EPHA6: variants seen among roughly 807,000 people sequenced by gnomAD.
The protein encoded by EPHA6 is ephrin type-A receptor 6.
EPHA6 carries 50 observed loss-of-function variants against 112.0 expected under a neutral mutation model. The observed-to-expected ratio is 0.45, with a 90% CI of 0.36 to 0.56. EPHA6 has a LOEUF of 0.56. Among genes scored for constraint, EPHA6 ranks in the 20% least tolerant of loss-of-function variants. EPHA6 has a pLI of 0.00. For missense variants in EPHA6, 1,280 were observed against 1,417.4 expected, an observed-to-expected ratio of 0.90 and a Z score of 1.56; for synonymous variants, 529 against 490.7, an observed-to-expected ratio of 1.08 and a Z score of -1.03.
At chr3:97,314,212 T>C (rs1389293923) in intron 5 of EPHA6, among the ~76,000 whole-genome samples, 1 of 151,660 alleles carries the variant, frequency 6.6e-6, no homozygotes, top group Non-Finnish European at 1.5e-5. Context: ...TTCTGGGCTT[T>C]CTATTCTTTC....
chr3:96,872,798 T>G (rs747863583), intron 2 of EPHA6, among the ~76,000 whole-genome samples: 1 of 152,080 alleles, frequency 6.6e-6, no homozygotes, highest in Non-Finnish European at 1.5e-5. Flanking sequence ...TGTGAAAATA[T>G]TTTTTGAAGT....
At chr3:97,283,603 CA>C (rs1559850876) in intron 5 of EPHA6, among the ~76,000 whole-genome samples, 1 of 151,860 alleles carries the variant, frequency 6.6e-6, no homozygotes, top group African/African-American at 2.4e-5. Flanking sequence ...CGGAGCCTTT[CA>C]GGGGGGTGAG....
At chr3:97,103,699 T>G (rs907082146) in intron 3 of EPHA6, among the ~76,000 whole-genome samples, 1 of 152,136 alleles carries the variant, frequency 6.6e-6, no homozygotes, top group African/African-American at 2.4e-5. Flanking sequence ...CATTGGGAGT[T>G]TGATAGGAAT....
chr3:97,624,300 T>C lies in EPHA6; in HGVS notation c.2574+13446T>C, dbSNP rs561667006. Among the ~76,000 whole-genome samples, 3 of 151,828 alleles carry C rather than the reference T, an allele frequency of 2.0e-5. No homozygotes were observed. The South Asian group carries it at 6.2e-4, about 32-fold the overall frequency. On this transcript the variant is annotated intron_variant, in intron 13 of 17. Transcript: ENST00000389672. ...TCTTCTTCACCAATTTAGATCATTG[T>C]GGAGATCTTCCCCCTTCATTCAGTT...
chr3:97,292,201 C>T (rs751938362), intron 5 of EPHA6, among the ~76,000 whole-genome samples: 1 of 152,234 alleles, frequency 6.6e-6, no homozygotes, highest in African/African-American at 2.4e-5. Context: ...CTCGGAGATG[C>T]CAGGAACCGC....
chr3:97,355,340 T>A (rs1325763018), intron 5 of EPHA6, among the ~76,000 whole-genome samples: 1 of 152,112 alleles, frequency 6.6e-6, no homozygotes, highest in East Asian at 1.9e-4. Flanking sequence ...AAGATATAAA[T>A]AGAAACAAGA....
chr3:97,282,194 A>C (rs2080309611), intron 5 of EPHA6, among the ~76,000 whole-genome samples: 1 of 152,176 alleles, frequency 6.6e-6, no homozygotes, highest in Non-Finnish European at 1.5e-5. Flanking sequence ...ATGTCAGATA[A>C]ATATAAGTAT....
chr3:96,927,368 C>T (rs935619800), intron 2 of EPHA6, among the ~76,000 whole-genome samples: 6 of 152,238 alleles, frequency 3.9e-5, no homozygotes, highest in Non-Finnish European at 8.8e-5. Context: ...TCTCCATTGT[C>T]TCAGATATTA....
At chr3:96,912,499 A>C (rs913575045) in intron 2 of EPHA6, among the ~76,000 whole-genome samples, 2 of 152,226 alleles carry the variant, frequency 1.3e-5, no homozygotes, top group Admixed American at 6.5e-5. Flanking sequence ...ATACAGTTTA[A>C]GAAAGCTTTC....
At chr3:97,374,522 T>C (rs2085237019) in intron 5 of EPHA6, among the ~76,000 whole-genome samples, 1 of 152,092 alleles carries the variant, frequency 6.6e-6, no homozygotes, top group African/African-American at 2.4e-5. Context: ...AGAGTACTTG[T>C]GTAGGTTTGT....
intron 13 of EPHA6, among the ~76,000 whole-genome samples, chr3:97,634,089 A>G (rs1166481659): frequency 6.6e-6 from 1 of 152,132 alleles, no homozygotes; most frequent in Non-Finnish European, 1.5e-5. Flanking sequence ...ACTCCAATAG[A>G]TAAGAATACA....
chr3:97,393,703 A>G (rs559079280), intron 5 of EPHA6, among the ~76,000 whole-genome samples: 1 of 151,772 alleles, frequency 6.6e-6, no homozygotes, highest in South Asian at 2.1e-4. Flanking sequence ...GTAATTTTAT[A>G]CTCATTGACC....
chr3:97,338,456 G>C (rs2083159168), intron 5 of EPHA6, among the ~76,000 whole-genome samples: 1 of 151,852 alleles, frequency 6.6e-6, no homozygotes, highest in South Asian at 2.1e-4. Flanking sequence ...ATTTTGTATT[G>C]TCTACCCCTA....
intron 14 of EPHA6, among the ~76,000 whole-genome samples, chr3:97,683,399 T>C (rs1386274714): frequency 6.6e-6 from 1 of 152,140 alleles, no homozygotes; most frequent in Non-Finnish European, 1.5e-5. Flanking sequence ...TGGGAAAAAT[T>C]ACAGAAAATA....
chr3:97,163,283 A>G (rs2076459214), intron 3 of EPHA6, among the ~76,000 whole-genome samples: 1 of 152,162 alleles, frequency 6.6e-6, no homozygotes, highest in Admixed American at 6.6e-5. Context: ...CAACTCACTC[A>G]TGATGGGTCA....
At chr3:97,521,114 A>T (rs2092535656) in intron 10 of EPHA6, among the ~76,000 whole-genome samples, 1 of 147,292 alleles carries the variant, frequency 6.8e-6, no homozygotes, top group Non-Finnish European at 1.5e-5. Flanking sequence ...TGTTTTTCTG[A>T]TTTCTTTGTA....
At chr3:96,855,726 CATAAAATTT>C (rs549047990) in intron 1 of EPHA6, among the ~76,000 whole-genome samples, 71 of 147,072 alleles carry the variant, frequency 4.8e-4, no homozygotes, top group African/African-American at 1.7e-3. Flanking sequence ...TCCTGAAGAA[CATAAAATTT>C]TGCATTTTTC....
intron 7 of EPHA6, among the ~76,000 whole-genome samples, chr3:97,474,344 G>T (rs1403388862): frequency 6.6e-6 from 1 of 151,742 alleles, no homozygotes; most frequent in Non-Finnish European, 1.5e-5. Flanking sequence ...TAAAAAACAA[G>T]TTTAATTTAA....
intron 3 of EPHA6, among the ~76,000 whole-genome samples, chr3:97,086,656 T>G (rs1460478584): frequency 1.3e-5 from 2 of 152,082 alleles, no homozygotes; most frequent in African/African-American, 4.8e-5. Context: ...TTTTTAACAT[T>G]CAGTGGTTAT....
Sources: allele counts gnomAD v4.1 joint callset (sites outside exome capture counted in the v4.1 genomes callset), GRCh38; gene constraint gnomAD v4.1.1; transcripts MANE v1.5; gene names NCBI Gene and HGNC (gene_info 2026-07-23, HGNC 2026-07-21).